MPZL1: variants seen among roughly 807,000 people sequenced by gnomAD.
MPZL1 encodes the protein myelin protein zero like 1, also known as myelin protein zero-like protein 1.
Under a neutral mutation model 29.3 loss-of-function variants are expected in MPZL1, and 16 were observed. That is an observed-to-expected ratio of 0.55 (90% CI 0.37 to 0.83). The LOEUF is 0.83. Ranked by LOEUF, MPZL1 falls within the 40% of genes least tolerant of loss-of-function variation. The probability of loss-of-function intolerance (pLI) is 0.00; values close to 1 mark genes in which losing one functional copy is unlikely to be tolerated. For missense variants in MPZL1, 279 were observed against 332.9 expected (o/e 0.84, Z 1.26); for synonymous variants, 143 against 132.0 (o/e 1.08, Z -0.57).
At chr1:167,756,996 T>C (rs991572594) in intron 1 of MPZL1, among the ~76,000 whole-genome samples, 1 of 152,098 alleles carries the variant, frequency 6.6e-6, no homozygotes, top group African/African-American at 2.4e-5. Context: ...AGACAAAGAG[T>C]GCAGAAGAGT....
At chr1:167,754,829 C>T (rs1225388943) in intron 1 of MPZL1, among the ~76,000 whole-genome samples, 1 of 152,158 alleles carries the variant, frequency 6.6e-6, no homozygotes, top group East Asian at 1.9e-4. Context: ...ATCAGAATTC[C>T]TGGAGGTAGG....
rs1661651907 is a variant in MPZL1 at position 167,789,008 on chromosome 1, C to T, written c.*1087C>T. 1 of 151,894 alleles carries T rather than the reference C, an allele frequency of 6.6e-6. No individual in the cohort carries two copies. Among genetic ancestry groups the T allele is most frequent in the Non-Finnish European group, 1.5e-5 (1 of 68,006 alleles). The allele number at this position is 151,894 out of a possible 1,614,324, so 9.4% of individuals were successfully genotyped here. A position where few individuals can be genotyped will look rare whatever the true frequency, so the allele number is the denominator to read the frequency against. ...ACGAACTATAGTTGCACCACTGCAG[C>T]TGGCAAGAATCACCTTCTTTATAAA... On this transcript the variant is annotated 3_prime_UTR_variant, in exon 6 of 6. Coordinates refer to ENST00000359523, the MANE Select transcript of MPZL1 (RefSeq NM_003953.6).
At chr1:167,760,396 G>A (rs1469958552) in intron 1 of MPZL1, among the ~76,000 whole-genome samples, 3 of 152,162 alleles carry the variant, frequency 2.0e-5, no homozygotes, top group Non-Finnish European at 2.9e-5. Flanking sequence ...TAGAGACGGG[G>A]TTTCACCATG....
chr1:167,771,503 T>C (rs918672998), intron 2 of MPZL1, among the ~76,000 whole-genome samples: 1 of 152,350 alleles, frequency 6.6e-6, no homozygotes, highest in Admixed American at 6.5e-5. Context: ...CAATGGTCGC[T>C]GTCTCTTCGG....
chr1:167,756,257 T>C (rs918646875), intron 1 of MPZL1, among the ~76,000 whole-genome samples: 1 of 151,908 alleles, frequency 6.6e-6, no homozygotes, highest in African/African-American at 2.4e-5. Context: ...CAGGCAGTCC[T>C]CCTATCTCAG....
chr1:167,782,566 T>C (rs750332718), intron 5 of MPZL1, among the ~76,000 whole-genome samples: 26 of 152,164 alleles, frequency 1.7e-4, no homozygotes, highest in Non-Finnish European at 2.8e-4. Flanking sequence ...GCACAGGAGG[T>C]AAAAAAATTT....
intron 3 of MPZL1, 130 bp from the exon 4 acceptor site, chr1:167,773,106 C>A: frequency 1.1e-6 from 1 of 881,862 alleles, no homozygotes; most frequent in Non-Finnish European, 1.7e-6. Context: ...ATAGTAGGAT[C>A]TCATAGTTTG....
In MPZL1 at chr1:167,767,842, A is replaced by C. The variant is rs561906153; in HGVS notation, c.258+2093A>C. Among the ~76,000 whole-genome samples the C allele has an allele frequency of 2.5e-4, 24 of 97,468 alleles. No individual in the cohort carries two copies. The South Asian group carries it at 7.5e-3, about 31-fold the overall frequency. The allele number at this position is 97,468 out of a possible 152,430, so 63.9% of individuals were successfully genotyped here. ...GGTTAATTGTGTTCATCTGCAGATG[A>C]GTTTTGTAATCATTTTGTTTTGTTT... On this transcript the variant is annotated intron_variant, in intron 2 of 5. Coordinates refer to ENST00000359523, the MANE Select transcript of MPZL1 (RefSeq NM_003953.6).
At position 167,731,763 on chromosome 1, in the gene MPZL1, A is replaced by G. The variant is rs12126893; in HGVS notation, c.91+9521A>G. On this transcript the variant is annotated intron_variant, in intron 1 of 5. Coordinates refer to ENST00000359523, the MANE Select transcript of MPZL1 (RefSeq NM_003953.6). ...TAAAACTGTGTCTCAAAAAAAAAAA[A>G]GGGGGATCAGAAAATGCTAAGGAGG... is the stretch of plus-strand genomic sequence containing the variant. Among the ~76,000 whole-genome samples, 323 of 151,744 alleles carry G rather than the reference A, an allele frequency of 2.1e-3. 1 individual carries two copies. The highest frequency in any genetic ancestry group is 4.1e-3 in the East Asian group (21 of 5,148).
intron 1 of MPZL1, among the ~76,000 whole-genome samples, chr1:167,728,134 C>T (rs982771086): frequency 4.0e-5 from 6 of 150,594 alleles, no homozygotes; most frequent in Non-Finnish European, 7.4e-5. Context: ...CTTCCTCCCA[C>T]GTTCAAGCGA....
chr1:167,761,436 A>G (rs1660986223), intron 1 of MPZL1, among the ~76,000 whole-genome samples: 1 of 152,164 alleles, frequency 6.6e-6, no homozygotes, highest in African/African-American at 2.4e-5. Context: ...GCAGACAGAC[A>G]CTTTCTACAT....
intron 1 of MPZL1, among the ~76,000 whole-genome samples, chr1:167,744,373 G>A (rs1233158456): frequency 6.6e-6 from 1 of 151,940 alleles, no homozygotes; most frequent in Non-Finnish European, 1.5e-5. Flanking sequence ...CATGTCCAGA[G>A]TCTAAGTGTT....
intron 5 of MPZL1, among the ~76,000 whole-genome samples, chr1:167,777,022 C>G (rs1363783071): frequency 6.6e-6 from 1 of 152,144 alleles, no homozygotes; most frequent in Non-Finnish European, 1.5e-5. Flanking sequence ...AGCACACACC[C>G]AGTTAGTGAC....
intron 1 of MPZL1, among the ~76,000 whole-genome samples, chr1:167,748,002 A>ATC (rs1660682022): frequency 6.6e-6 from 1 of 152,178 alleles, no homozygotes; most frequent in South Asian, 2.1e-4. Context: ...TCTGTCTGGC[A>ATC]TCTTTCACTT....
At chr1:167,744,245 T>A (rs999787606) in intron 1 of MPZL1, among the ~76,000 whole-genome samples, 3 of 152,096 alleles carry the variant, frequency 2.0e-5, no homozygotes, top group African/African-American at 7.2e-5. Context: ...GGTAACCCTG[T>A]GATTCACATA....
chr1:167,741,169 A>ACCAC (rs1660514339), intron 1 of MPZL1, among the ~76,000 whole-genome samples: 1 of 147,480 alleles, frequency 6.8e-6, no homozygotes, highest in African/African-American at 2.5e-5. Flanking sequence ...GGCATGTGCC[A>ACCAC]CCACGCCTGG....
At chr1:167,739,310 C>CATACAT (rs68082264) in intron 1 of MPZL1, among the ~76,000 whole-genome samples, 13,871 of 99,894 alleles carry the variant, frequency 0.14, 1,238 homozygotes, top group Non-Finnish European at 0.16. Context: ...TATATATATA[C>CATACAT]ACATATATAT....
chr1:167,724,285 A>G (rs1020618567), intron 1 of MPZL1, among the ~76,000 whole-genome samples: 2 of 152,124 alleles, frequency 1.3e-5, no homozygotes, highest in Non-Finnish European at 2.9e-5. Context: ...TATAAGGGGA[A>G]TGGTGGGAGT....
intron 1 of MPZL1, among the ~76,000 whole-genome samples, chr1:167,756,275 A>C (rs1660866844): frequency 6.6e-6 from 1 of 151,986 alleles, no homozygotes; most frequent in African/African-American, 2.4e-5. Flanking sequence ...CAGCCCCCTG[A>C]GTAGCTGAGA....
Sources: allele counts gnomAD v4.1 joint callset (sites outside exome capture counted in the v4.1 genomes callset), GRCh38; gene constraint gnomAD v4.1.1; transcripts MANE v1.5; gene names NCBI Gene and HGNC (gene_info 2026-07-23, HGNC 2026-07-21).